Variants in RBFOX3 observed in about 807,000 individuals in gnomAD.
The protein encoded by RBFOX3 is RNA binding protein fox-1 homolog 3.
Under a neutral mutation model 48.7 loss-of-function variants are expected in RBFOX3, and 17 were observed. The ratio of observed to expected loss-of-function variants is 0.35; its 90% CI spans 0.24 to 0.52. The LOEUF (loss-of-function observed/expected upper bound fraction) is 0.52. Ranked by LOEUF, RBFOX3 falls within the 20% of genes least tolerant of loss-of-function variation. The probability of loss-of-function intolerance (pLI) is 0.94; values close to 1 mark genes in which losing one functional copy is unlikely to be tolerated. For missense variants in RBFOX3, 382 were observed against 497.5 expected (o/e 0.77, Z 2.21); for synonymous variants, 212 against 209.5 (o/e 1.01, Z -0.10).
At chr17:79,609,745 C>G (rs1371310345) in intron 1 of RBFOX3, among the ~76,000 whole-genome samples, 1 of 151,628 alleles carries the variant, frequency 6.6e-6, no homozygotes. Context: ...CGCCGCGTCT[C>G]GGTCCCCGCA....
intron 1 of RBFOX3, among the ~76,000 whole-genome samples, chr17:79,590,108 T>C (rs2145063447): frequency 6.6e-6 from 1 of 152,086 alleles, no homozygotes; most frequent in East Asian, 1.9e-4. Flanking sequence ...TCAGTGTGCC[T>C]TGGCTTTGCC....
intron 4 of RBFOX3, among the ~76,000 whole-genome samples, chr17:79,180,663 C>T (rs961171880): frequency 3.9e-5 from 6 of 151,936 alleles, no homozygotes; most frequent in Admixed American, 6.6e-5. Flanking sequence ...AACTAAATGT[C>T]GTTATTTGTT....
chr17:79,227,699 A>G (rs185570585), intron 4 of RBFOX3, among the ~76,000 whole-genome samples: 32 of 152,330 alleles, frequency 2.1e-4, no homozygotes, highest in Admixed American at 1.8e-3. Flanking sequence ...GTGCCCAGGA[A>G]GACCCTGACC....
chr17:79,206,034 A>C (rs1222206155), intron 4 of RBFOX3, among the ~76,000 whole-genome samples: 1 of 152,146 alleles, frequency 6.6e-6, no homozygotes, highest in Non-Finnish European at 1.5e-5. Flanking sequence ...ATTGAGCTAG[A>C]CGGGCAGGAA....
intron 2 of RBFOX3, among the ~76,000 whole-genome samples, chr17:79,365,518 C>T (rs532861972): frequency 1.3e-4 from 20 of 152,344 alleles, no homozygotes; most frequent in South Asian, 4.1e-4. Flanking sequence ...GCGGCCCTGG[C>T]GCTCCCACGC....
intron 4 of RBFOX3, among the ~76,000 whole-genome samples, chr17:79,130,395 C>T (rs2038535440): frequency 6.6e-6 from 1 of 152,198 alleles, no homozygotes; most frequent in South Asian, 2.1e-4. Context: ...ACAGTCACTT[C>T]GCAAGCCAAC....
chr17:79,428,842 T>C (rs999824963), intron 2 of RBFOX3, among the ~76,000 whole-genome samples: 1 of 152,270 alleles, frequency 6.6e-6, no homozygotes, highest in African/African-American at 2.4e-5. Context: ...TTTCTGTCTG[T>C]ATGAATTTAA....
chr17:79,330,987 A>G (rs1342373725), intron 2 of RBFOX3, among the ~76,000 whole-genome samples: 1 of 152,120 alleles, frequency 6.6e-6, no homozygotes, highest in Admixed American at 6.5e-5. Context: ...TGTTTCATGA[A>G]TGTGGGTCCC....
At chr17:79,288,483 C>CG (rs984991697) in intron 3 of RBFOX3, among the ~76,000 whole-genome samples, 2 of 152,210 alleles carry the variant, frequency 1.3e-5, no homozygotes, top group Admixed American at 6.5e-5. Flanking sequence ...TGCAGCCCCC[C>CG]CCAGCCCGGC....
At chr17:79,182,092 T>C (rs2052118640) in intron 4 of RBFOX3, among the ~76,000 whole-genome samples, 1 of 152,086 alleles carries the variant, frequency 6.6e-6, no homozygotes, top group African/African-American at 2.4e-5. Context: ...TGGCCTGGCC[T>C]GGCCAAGTTC....
chr17:79,663,979 G>A, the RBFOX3 span, among the ~76,000 whole-genome samples: 5 of 152,078 alleles, frequency 3.3e-5, no homozygotes, highest in Admixed American at 2.0e-4. Flanking sequence ...AGGGAAAGAC[G>A]CTGACTACCA....
chr17:79,618,621 C>T, the RBFOX3 span, among the ~76,000 whole-genome samples: 2 of 152,090 alleles, frequency 1.3e-5, no homozygotes, highest in Non-Finnish European at 2.9e-5. Flanking sequence ...CATAAGCCGG[C>T]GGAGTGCACA....
the RBFOX3 span, among the ~76,000 whole-genome samples, chr17:79,654,829 TC>T: frequency 6.6e-6 from 1 of 152,204 alleles, no homozygotes; most frequent in Non-Finnish European, 1.5e-5. Context: ...AAAATGGGTC[TC>T]ATCGCTTTAT....
intron 3 of RBFOX3, among the ~76,000 whole-genome samples, chr17:79,302,993 C>T (rs1048598236): frequency 2.0e-5 from 3 of 152,094 alleles, no homozygotes; most frequent in Non-Finnish European, 2.9e-5. Flanking sequence ...TTCTCGAGCC[C>T]GGGAGTTTGA....
intron 1 of RBFOX3, among the ~76,000 whole-genome samples, chr17:79,538,571 G>A (rs1340713461): frequency 3.3e-5 from 5 of 152,234 alleles, no homozygotes; most frequent in African/African-American, 4.8e-5. Flanking sequence ...CAGTAAAGGC[G>A]GGTGGGCTTT....
chr17:79,427,195 G>A (rs1233347076), intron 2 of RBFOX3, among the ~76,000 whole-genome samples: 2 of 152,172 alleles, frequency 1.3e-5, no homozygotes, highest in African/African-American at 4.8e-5. Context: ...GCCCAGACAG[G>A]CCCACTCAGA....
At chr17:79,096,956 G>T (rs2075386983) in intron 11 of RBFOX3, 123 bp from the exon 12 acceptor site, 2 of 599,062 alleles carry the variant, frequency 3.3e-6, no homozygotes, top group Non-Finnish European at 5.9e-6. Flanking sequence ...GTGATGGAGG[G>T]CACCAGACCC....
intron 4 of RBFOX3, among the ~76,000 whole-genome samples, chr17:79,154,155 T>C (rs768923522): frequency 6.2e-5 from 8 of 129,900 alleles, no homozygotes; most frequent in African/African-American, 2.3e-4. Context: ...CCTGGCTGGC[T>C]CCAGCCACCA....
At position 79,095,592 on chromosome 17, in the gene RBFOX3, G is replaced by A. The variant is rs1335741675; in HGVS notation, c.937-18C>T. The A allele has an allele frequency of 6.5e-7, 1 of 1,550,034 alleles. No individual in the cohort carries two copies. Among genetic ancestry groups the A allele is most frequent in the Non-Finnish European group, 8.7e-7 (1 of 1,145,772 alleles). Reference sequence around the variant, plus strand: ...TAGCCTCCCTGCAGGGTAAGTGGGAGGAGAGAGAGCAGAGGGACTTAGTGG... The same window carrying A: ...TAGCCTCCCTGCAGGGTAAGTGGGAAGAGAGAGAGCAGAGGGACTTAGTGG... On this transcript the variant is annotated intron_variant, in intron 12 of 14. Transcript: ENST00000693108.
Sources: allele counts gnomAD v4.1 joint callset (sites outside exome capture counted in the v4.1 genomes callset), GRCh38; gene constraint gnomAD v4.1.1; transcripts MANE v1.5; gene names NCBI Gene and HGNC (gene_info 2026-07-23, HGNC 2026-07-21).